The following NUP35 variants were observed in gnomAD, a reference collection of about 807,000 sequenced individuals.
The protein encoded by NUP35 is nucleoporin NUP35.
Under a neutral mutation model 41.5 loss-of-function variants are expected in NUP35, and 25 were observed. That is an observed-to-expected ratio of 0.60 (90% confidence interval 0.44 to 0.84). The LOEUF (loss-of-function observed/expected upper bound fraction) is 0.84. Ranked by LOEUF, NUP35 falls within the 40% of genes least tolerant of loss-of-function variation. The pLI, the probability that NUP35 is intolerant of heterozygous loss-of-function variation, is 0.00. For missense variants in NUP35, 396 were observed against 396.6 expected (o/e 1.00, Z 0.01); for synonymous variants, 149 against 130.7 (o/e 1.14, Z -0.96).
intron 4 of NUP35, among the ~76,000 whole-genome samples, chr2:183,144,402 T>G (rs1300369674): frequency 6.6e-6 from 1 of 152,196 alleles, no homozygotes; most frequent in Non-Finnish European, 1.5e-5. Flanking sequence ...CCTTATTACA[T>G]ATTGTGCTAC....
intron 1 of NUP35, among the ~76,000 whole-genome samples, chr2:183,117,952 T>G (rs904095494): frequency 9.9e-5 from 15 of 152,194 alleles, no homozygotes; most frequent in African/African-American, 3.4e-4. Context: ...TCTGTAGCCC[T>G]AGGTACTCCA....
chr2:183,149,915 T>A (rs1365830564), intron 4 of NUP35, among the ~76,000 whole-genome samples: 1 of 152,120 alleles, frequency 6.6e-6, no homozygotes, highest in Non-Finnish European at 1.5e-5. Context: ...TTTTTAATTT[T>A]TTTATTTTTT....
chr2:183,157,882 A>G (rs1250595852), intron 6 of NUP35, among the ~76,000 whole-genome samples: 2 of 152,076 alleles, frequency 1.3e-5, no homozygotes, highest in African/African-American at 4.8e-5. Context: ...GAGTTTTTAG[A>G]GCTTTATAGC....
At chr2:183,133,652 T>C (rs774168398) in intron 4 of NUP35, 29 bp downstream of exon 4, 2 of 1,537,758 alleles carry the variant, frequency 1.3e-6, no homozygotes, top group Admixed American at 4.0e-5. Context: ...TTTTTTTTTT[T>C]TTTAAAAGAC....
intron 5 of NUP35, among the ~76,000 whole-genome samples, chr2:183,152,381 A>G (rs532842230): frequency 2.9e-4 from 44 of 152,228 alleles, no homozygotes; most frequent in Non-Finnish European, 2.5e-4. Flanking sequence ...TGGGGCACCC[A>G]TCTCCTGAGC....
chr2:183,118,983 C>T (rs531421636), intron 1 of NUP35: 1 of 152,296 alleles, frequency 6.6e-6, no homozygotes, highest in Admixed American at 6.5e-5. Flanking sequence ...CGCATGCTCA[C>T]TGGAAGTGTT....
chr2:183,151,559 T>C lies in NUP35; in HGVS notation c.449T>C (p.Leu150Ser), dbSNP rs1042803076. ...ATCGGTCAGCCACGAAAGACGACAT[T>C]ATCTCCTGCCCAGTTGGATCCTTTT... The part of the protein sequence containing the change: ...ASIGQPRKTT[L>S]SPAQLDPFYT... The change falls in exon 5 of 9, where the codon TTA (leucine) becomes TCA (serine). Residue 150 changes from leucine to serine, a missense_variant. Leu to Ser is a moderately radical substitution (Grantham distance 145). Coordinates refer to ENST00000295119, the MANE Select transcript of NUP35 (RefSeq NM_138285.5). 1.2e-6 allele frequency: 2 copies of C among 1,613,922 alleles called. No individual in the cohort carries two copies. The highest frequency in any genetic ancestry group is 1.3e-5 in the African/African-American group (1 of 74,920).
At chr2:183,127,531 G>A (rs948620265) in intron 1 of NUP35, among the ~76,000 whole-genome samples, 8 of 152,158 alleles carry the variant, frequency 5.3e-5, no homozygotes, top group Non-Finnish European at 1.2e-4. Context: ...TATTTTGTAA[G>A]TGCTCTAATA....
At chr2:183,120,417 G>C (rs1317156332), upstream of NUP35, among the ~76,000 whole-genome samples, 1 of 141,728 alleles carries the variant, frequency 7.1e-6, no homozygotes, top group Non-Finnish European at 1.5e-5. Flanking sequence ...CTGTACTCCA[G>C]CCTGGATGAC....
Position 183,124,501 on chromosome 2 carries a change from A to G in NUP35, c.40+4A>G. On this transcript the variant is annotated splice_donor_region_variant and intron_variant, in intron 1 of 8. Coordinates refer to ENST00000295119, the MANE Select transcript of NUP35 (RefSeq NM_138285.5). Reference sequence around the variant, plus strand: ...GAACCTCAGGGGCCCGCGTTAGGTGAGTGAAATATTGCTTTTCCTTGCTGG... The same window carrying G: ...GAACCTCAGGGGCCCGCGTTAGGTGGGTGAAATATTGCTTTTCCTTGCTGG... 6.2e-7 allele frequency: 1 copy of G among 1,614,104 alleles called. No individual in the cohort carries two copies. The highest frequency in any genetic ancestry group is 8.5e-7 in the Non-Finnish European group (1 of 1,180,010).
At chr2:183,147,082 CTTG>C (rs1419261746) in intron 4 of NUP35, among the ~76,000 whole-genome samples, 1 of 151,630 alleles carries the variant, frequency 6.6e-6, no homozygotes, top group South Asian at 2.1e-4. Context: ...TGTTTTTTTT[CTTG>C]TTAAGTTCTT....
rs757102921 is a variant in NUP35 at position 183,159,559 on chromosome 2, T to TCG, written c.811_812insGC (p.Leu271ArgfsTer2). ...TAGCCTTTACACCACCAATCAAAACTCTAGGTACACCAACACAACCTGGAA... is the reference window on the plus strand; with the variant it reads ...TAGCCTTTACACCACCAATCAAAACTCGCTAGGTACACCAACACAACCTGGAA... On this transcript the variant is annotated frameshift_variant, in exon 8 of 9. Transcript: ENST00000295119. LOFTEE classifies it high-confidence loss of function. The TCG allele has an allele frequency of 5.6e-6, 9 of 1,613,528 alleles. No individual in the cohort carries two copies. Among genetic ancestry groups the TCG allele is most frequent in the Non-Finnish European group, 7.6e-6 (9 of 1,179,752 alleles).
At chr2:183,139,083 C>T (rs1270807118) in intron 4 of NUP35, among the ~76,000 whole-genome samples, 1 of 151,928 alleles carries the variant, frequency 6.6e-6, no homozygotes, top group African/African-American at 2.4e-5. Context: ...TACAAAGGAC[C>T]TAACATTAAT....
intron 8 of NUP35, chr2:183,159,884 T>C (rs1685808904): frequency 2.2e-6 from 1 of 446,428 alleles, no homozygotes; most frequent in African/African-American, 2.0e-5. Flanking sequence ...TTAAATTTTT[T>C]GAAAGTTGTT....
At chr2:183,118,542 T>C (rs1700021927) in intron 1 of NUP35, 1 of 152,252 alleles carries the variant, frequency 6.6e-6, no homozygotes, top group Non-Finnish European at 1.5e-5. Flanking sequence ...ATCCTTTGTT[T>C]AATGTTTATT....
chr2:183,122,052 G>T (rs966362741), upstream of NUP35, among the ~76,000 whole-genome samples: 4 of 150,092 alleles, frequency 2.7e-5, no homozygotes, highest in Admixed American at 1.3e-4. Flanking sequence ...ACTGTTAATA[G>T]TTTGGTGCAA....
At chr2:183,118,849 A>C (rs1428599909) in intron 1 of NUP35, 1 of 152,202 alleles carries the variant, frequency 6.6e-6, no homozygotes, top group African/African-American at 2.4e-5. Flanking sequence ...CCTTGGACGT[A>C]GGGTTTTACA....
intron 4 of NUP35, among the ~76,000 whole-genome samples, chr2:183,143,232 C>T (rs550759604): frequency 4.1e-4 from 62 of 149,652 alleles, no homozygotes; most frequent in Admixed American, 2.1e-3. Flanking sequence ...AGGTTAATAG[C>T]AGTCTTTTTT....
At chr2:183,141,947 C>T (rs1685110883) in intron 4 of NUP35, among the ~76,000 whole-genome samples, 1 of 152,136 alleles carries the variant, frequency 6.6e-6, no homozygotes, top group African/African-American at 2.4e-5. Context: ...TCTAAAAAAG[C>T]TTGCTTAAGA....
Sources: allele counts gnomAD v4.1 joint callset (sites outside exome capture counted in the v4.1 genomes callset), GRCh38; gene constraint gnomAD v4.1.1; transcripts MANE v1.5; gene names NCBI Gene and HGNC (gene_info 2026-07-23, HGNC 2026-07-21).